The following CPE variants were observed in gnomAD, a reference collection of about 807,000 sequenced individuals.
CPE encodes carbocypeptidase E.
Under a neutral mutation model 53.5 loss-of-function variants are expected in CPE, and 17 were observed. The observed-to-expected ratio is 0.32, with a 90% confidence interval of 0.22 to 0.48. The LOEUF is 0.48. Among genes scored for constraint, CPE ranks in the 20% least tolerant of loss-of-function variants. The probability of loss-of-function intolerance (pLI) is 0.99; values close to 1 mark genes in which losing one functional copy is unlikely to be tolerated. For synonymous variants in CPE, 226 were observed against 228.8 expected (o/e 0.99, Z 0.11); for missense variants, 524 against 614.7 (o/e 0.85, Z 1.56).
At chr4:165,450,935 T>C (rs185935261) in intron 1 of CPE, among the ~76,000 whole-genome samples, 11 of 152,322 alleles carry the variant, frequency 7.2e-5, no homozygotes, top group Admixed American at 6.5e-4. Flanking sequence ...TCTCATTTGA[T>C]CTCTCTTTCT....
chr4:165,418,785 A>G (rs1157551058), intron 1 of CPE, among the ~76,000 whole-genome samples: 1 of 152,130 alleles, frequency 6.6e-6, no homozygotes, highest in African/African-American at 2.4e-5. Context: ...TCCATTAGAG[A>G]GTTTTTTTGG....
At chr4:165,448,302 T>TA (rs1240293133) in intron 1 of CPE, among the ~76,000 whole-genome samples, 2 of 152,208 alleles carry the variant, frequency 1.3e-5, no homozygotes, top group South Asian at 2.1e-4. Flanking sequence ...TATTGACCGT[T>TA]ACGATGGACC....
chr4:165,413,086 A>T (rs142347474), intron 1 of CPE, among the ~76,000 whole-genome samples: 4 of 152,234 alleles, frequency 2.6e-5, no homozygotes, highest in Admixed American at 2.0e-4. Context: ...TTCTCATTTT[A>T]ACAAAACTTG....
chr4:165,431,685 A>G (rs1731411478), intron 1 of CPE, among the ~76,000 whole-genome samples: 1 of 152,156 alleles, frequency 6.6e-6, no homozygotes. Context: ...TGGTAATTGA[A>G]ATTAAGTACT....
At chr4:165,408,090 C>G (rs10015323) in intron 1 of CPE, among the ~76,000 whole-genome samples, 72,805 of 151,930 alleles carry the variant, frequency 0.48, 17,887 homozygotes, top group African/African-American at 0.58. Flanking sequence ...TTGCAAAAAT[C>G]TTCTCCCATT....
At chr4:165,385,250 G>A (rs1283946754) in intron 1 of CPE, among the ~76,000 whole-genome samples, 1 of 151,972 alleles carries the variant, frequency 6.6e-6, no homozygotes, top group African/African-American at 2.4e-5. Flanking sequence ...CTTTCAGTTG[G>A]TCTGGAAACT....
At chr4:165,487,357 G>C (rs1387805940) in intron 5 of CPE, 81 bp from the exon 6 acceptor site, 1 of 1,569,146 alleles carries the variant, frequency 6.4e-7, no homozygotes, top group South Asian at 1.2e-5. Context: ...CTTTTACTTG[G>C]TTCTTGATTC....
At chr4:165,455,825 G>A (rs1414705297) in intron 1 of CPE, among the ~76,000 whole-genome samples, 1 of 152,042 alleles carries the variant, frequency 6.6e-6, no homozygotes, top group African/African-American at 2.4e-5. Flanking sequence ...GCTAATTTTT[G>A]TATTTTTAGT....
intron 2 of CPE, 58 bp downstream of exon 2, chr4:165,464,644 A>T: frequency 1.4e-6 from 2 of 1,410,588 alleles, no homozygotes; most frequent in Non-Finnish European, 1.9e-6. Context: ...ATGTTTGTAC[A>T]TACATGTTTA....
Position 165,388,623 on chromosome 4 carries a change from G to T in CPE, c.307+9095G>T, listed in dbSNP as rs74836478. On this transcript the variant is annotated intron_variant, in intron 1 of 8. Coordinates refer to ENST00000402744, the MANE Select transcript of CPE (RefSeq NM_001873.4). ...TGTATAACCAGTGGATACATTACTT[G>T]ATTCTGCGTAATGCCTGCTGCATAT... Among the ~76,000 whole-genome samples, 34 of 152,296 alleles carry T rather than the reference G, an allele frequency of 2.2e-4. No individual in the cohort carries two copies. The East Asian group carries it at 5.2e-3, about 23-fold the overall frequency.
intron 1 of CPE, chr4:165,405,756 G>C: frequency 1.1e-6 from 1 of 920,350 alleles, no homozygotes; most frequent in Non-Finnish European, 1.8e-6. Context: ...GGATGTTTCT[G>C]CCAGTCAGCA....
chr4:165,442,703 T>C (rs1731635124), intron 1 of CPE, among the ~76,000 whole-genome samples: 1 of 152,122 alleles, frequency 6.6e-6, no homozygotes, highest in Admixed American at 6.6e-5. Context: ...AGAGAGAAAA[T>C]TGCCACCACT....
intron 1 of CPE, among the ~76,000 whole-genome samples, chr4:165,411,970 C>T (rs10011067): frequency 0.29 from 43,688 of 151,954 alleles, 6,425 homozygotes; most frequent in Middle Eastern, 0.4. Flanking sequence ...TTTCCTTCCA[C>T]GAAAGAACCA....
At chr4:165,424,785 C>G (rs1234431931) in intron 1 of CPE, among the ~76,000 whole-genome samples, 2 of 152,154 alleles carry the variant, frequency 1.3e-5, no homozygotes, top group Non-Finnish European at 2.9e-5. Context: ...CCACCTGCCT[C>G]GGCCTCCCAA....
chr4:165,415,724 T>C (rs1395733308), intron 1 of CPE, among the ~76,000 whole-genome samples: 1 of 151,588 alleles, frequency 6.6e-6, no homozygotes, highest in East Asian at 1.9e-4. Flanking sequence ...CATATATTTG[T>C]TTGTCTAGTA....
chr4:165,489,932 G>T (rs1001472083), intron 6 of CPE, among the ~76,000 whole-genome samples: 5 of 152,188 alleles, frequency 3.3e-5, no homozygotes, highest in Non-Finnish European at 7.3e-5. Flanking sequence ...TTGTCATTAG[G>T]ATGCAAACTG....
chr4:165,386,478 C>A, intron 1 of CPE: 1 of 350,428 alleles, frequency 2.9e-6, no homozygotes, highest in Admixed American at 4.8e-5. Flanking sequence ...TGACATCATG[C>A]ATATTAGCAT....
intron 6 of CPE, among the ~76,000 whole-genome samples, chr4:165,488,942 G>A (rs1406758225): frequency 6.6e-6 from 1 of 152,166 alleles, no homozygotes; most frequent in African/African-American, 2.4e-5. Context: ...ACCAGGGACT[G>A]TCGTGGAATA....
At chr4:165,479,758 G>A (rs921452335) in intron 3 of CPE, among the ~76,000 whole-genome samples, 4 of 152,132 alleles carry the variant, frequency 2.6e-5, no homozygotes, top group East Asian at 1.9e-4. Context: ...TTGGGAGGCC[G>A]AGGCGGGCGG....
Sources: gnomAD v4.1 joint callset for allele counts (sites outside exome capture counted in the v4.1 genomes callset) on GRCh38, gnomAD v4.1.1 for gene constraint, MANE v1.5 for transcripts, NCBI Gene and HGNC (gene_info 2026-07-23, HGNC 2026-07-21) for gene names.